HLA-DMB: variants seen among roughly 807,000 people sequenced by gnomAD.
HLA-DMB encodes major histocompatibility complex, class II, DM beta.
HLA-DMB carries 18 observed loss-of-function variants against 29.3 expected under a neutral mutation model. The ratio of observed to expected loss-of-function variants is 0.62; its 90% CI spans 0.43 to 0.91. The LOEUF (loss-of-function observed/expected upper bound fraction) is 0.91. HLA-DMB is among the 40% of genes least tolerant of loss of function. HLA-DMB has a pLI of 0.00. For missense variants in HLA-DMB, 258 were observed against 320.9 expected (o/e 0.80, Z 1.50); for synonymous variants, 143 against 128.7 (o/e 1.11, Z -0.75).
intron 3 of HLA-DMB, 86 bp from the exon 4 acceptor site, chr6:32,935,738 T>C: frequency 1.1e-6 from 1 of 886,826 alleles, no homozygotes. Context: ...TCTCAGTGGG[T>C]TAAAAGGTCC....
rs1775893984 is a variant in HLA-DMB, at chr6:32,934,700, C to A, written c.*271G>T. On this transcript the variant is annotated 3_prime_UTR_variant, in exon 6 of 6. Transcript: ENST00000418107. ...GCTGTCCTCTATGGCACACTGAGAG[C>A]CCCAGGAGGGTCTTTAACTCCCTTC... The A allele has an allele frequency of 3.7e-6, 2 of 536,002 alleles. No individual in the cohort carries two copies. The highest frequency in any genetic ancestry group is 3.3e-5 in the Admixed American group (1 of 30,486). The allele number at this position is 536,002 out of a possible 1,614,324, so 33.2% of individuals were successfully genotyped here.
At position 32,935,588 on chromosome 6, in the gene HLA-DMB, G is replaced by A; in HGVS notation, c.687C>T (p.Gly229=). The A allele has an allele frequency of 6.2e-7, 1 of 1,613,032 alleles. No individual in the cohort carries two copies. The highest frequency in any genetic ancestry group is 8.5e-7 in the Non-Finnish European group (1 of 1,179,998). ...TCACACCAAGAGAGAAGATGATGAG[G>A]CCCAGGCCCAGAGTCACTGCAGACA... is the stretch of plus-strand genomic sequence containing the variant. The part of the protein sequence containing the change: ...VSVSAVTLGL[G]LIIFSLGVIS... Residue 229 remains glycine, a synonymous_variant, in exon 4 of 6, where the codon GGC becomes GGT. Transcript: ENST00000418107.
In HLA-DMB at chr6:32,938,712, G is replaced by A. The variant is rs143112264; in HGVS notation, c.309C>T (p.Pro103=). The change falls in exon 2 of 6, where the codon CCC becomes CCT. Residue 103 remains proline, a synonymous_variant. Transcript: ENST00000418107. ...TCCTGTTGGTCAGTGATCCCCAGAA[G>A]GGCTGGGTGTGTGTGGCACAATTCT... ...GLQNCATHTQ[P]FWGSLTNRTR... The A allele has an allele frequency of 1.3e-6, 2 of 1,542,956 alleles. No individual in the cohort carries two copies. Among genetic ancestry groups the A allele is most frequent in the African/African-American group, 1.4e-5 (1 of 71,926 alleles).
chr6:32,936,870 A>G (rs1776030202), intron 3 of HLA-DMB: 1 of 291,096 alleles, frequency 3.4e-6, no homozygotes, highest in Admixed American at 5.2e-5. Flanking sequence ...TCAAACATAG[A>G]CGCAGCAACA....
At position 32,938,750 on chromosome 6, in the gene HLA-DMB, G is replaced by A. The variant is rs767327421; in HGVS notation, c.271C>T (p.Arg91Cys). 15 of 1,600,084 alleles carry A rather than the reference G, an allele frequency of 9.4e-6. No individual in the cohort carries two copies. The highest frequency in any genetic ancestry group is 3.4e-5 in the Admixed American group (2 of 58,522). The change falls in exon 2 of 6, where the codon CGC (arginine) becomes TGC (cysteine). Residue 91 changes from arginine (R) to cysteine (C), a missense_variant. Physicochemically the swap from Arg to Cys is radical, Grantham distance 180. Transcript: ENST00000418107. ...NQKDTLMQRL[R>C]NGLQNCATHT... ...GTGGCACAATTCTGAAGCCCATTGC[G>A]CAAGCGCTGCATCAGGGTGTCTTTT...
rs1409085915 is a variant in HLA-DMB, at chr6:32,934,713, T to C, written c.*258A>G. ...GCACACTGAGAGCCCCAGGAGGGTCTTTAACTCCCTTCCTCAGATTATATT... is the reference window on the plus strand; with the variant it reads ...GCACACTGAGAGCCCCAGGAGGGTCCTTAACTCCCTTCCTCAGATTATATT... On this transcript the variant is annotated 3_prime_UTR_variant, in exon 6 of 6. Transcript: ENST00000418107. 2 of 556,762 alleles carry C rather than the reference T, an allele frequency of 3.6e-6. No homozygotes were observed. Among genetic ancestry groups the C allele is most frequent in the African/African-American group, 1.9e-5 (1 of 52,764 alleles). The allele number at this position is 556,762 out of a possible 1,614,324, so 34.5% of individuals were successfully genotyped here. A position where few individuals can be genotyped will look rare whatever the true frequency, so the allele number is the denominator to read the frequency against.
intron 5 of HLA-DMB, 160 bp downstream of exon 5, chr6:32,935,182 C>T: frequency 1.2e-6 from 1 of 824,128 alleles, no homozygotes; most frequent in Non-Finnish European, 2.0e-6. Context: ...CTCCTTCCTG[C>T]TCTTAATCCT....
chr6:32,935,915 C>A, intron 3 of HLA-DMB: 1 of 499,512 alleles, frequency 2.0e-6, no homozygotes, highest in South Asian at 3.0e-5. Flanking sequence ...TACAGTGGGG[C>A]CTCTCAAGGC....
intron 3 of HLA-DMB, chr6:32,936,820 T>A: frequency 4.7e-6 from 1 of 212,874 alleles, no homozygotes. Context: ...TTGCCAAATT[T>A]ACAGCCTCAT....
intron 5 of HLA-DMB, 165 bp from the exon 6 acceptor site, chr6:32,935,152 C>T (rs1775929097): frequency 1.2e-6 from 1 of 865,652 alleles, no homozygotes; most frequent in African/African-American, 1.7e-5. Context: ...AGACATCCCA[C>T]TTGGTAGAAG....
rs775164470 is a variant in HLA-DMB at position 32,935,596 on chromosome 6, C to T, written c.679G>A (p.Gly227Ser). ...AGAGAGAAGATGATGAGGCCCAGGC[C>T]CAGAGTCACTGCAGACACAGAAACC... ...LKVSVSAVTL[G>S]LGLIIFSLGV... The change falls in exon 4 of 6, where the codon GGC (glycine) becomes AGC (serine). Residue 227 changes from glycine (G) to serine (S), a missense_variant. Physicochemically the swap from Gly to Ser is moderately conservative, Grantham distance 56 (BLOSUM62 0). Coordinates refer to ENST00000418107, the MANE Select transcript of HLA-DMB (RefSeq NM_002118.5). 1 of 1,612,902 alleles carries T rather than the reference C, an allele frequency of 6.2e-7. No homozygotes were observed. Among genetic ancestry groups the T allele is most frequent in the Admixed American group, 1.7e-5 (1 of 60,002 alleles).
Position 32,934,980 on chromosome 6 carries a change from G to A in HLA-DMB, c.783C>T (p.His261=). The A allele has an allele frequency of 6.2e-7, 1 of 1,612,842 alleles. No individual in the cohort carries two copies. The change falls in exon 6 of 6, where the codon CAC becomes CAT. Residue 261 remains histidine (H), a synonymous_variant. Coordinates refer to ENST00000418107, the MANE Select transcript of HLA-DMB (RefSeq NM_002118.5). ...LPGSNYSEGW[H]IS The stretch of plus-strand genomic sequence containing the variant: ...TTGTAGGATTCTGCCTCTAGGAAAT[G>A]TGCCATCCTACAGAATAAATAAAAG...
Position 32,940,796 on chromosome 6 carries a change from G to A in HLA-DMB, c.12C>T (p.Phe4=), listed in dbSNP as rs1776313200. ...GGCTGAGCCCCAGCAGCAGCGGCAG[G>A]AATGTGATCATGCTCTGCTCTGTAA... MIT[F]LPLLLGLSLG... is the part of the protein sequence containing the mutation. The change falls in exon 1 of 6, where the codon TTC becomes TTT. Residue 4 remains phenylalanine, a synonymous_variant. Transcript: ENST00000418107. 1 of 1,601,302 alleles carries A rather than the reference G, an allele frequency of 6.2e-7. No homozygotes were observed. Among genetic ancestry groups the A allele is most frequent in the African/African-American group, 1.3e-5 (1 of 74,634 alleles).
In HLA-DMB at chr6:32,935,526, A is replaced by T; in HGVS notation, c.739+10T>A. The T allele has an allele frequency of 6.2e-7, 1 of 1,601,632 alleles. No individual in the cohort carries two copies. Among genetic ancestry groups the T allele is most frequent in the Non-Finnish European group, 8.6e-7 (1 of 1,169,586 alleles). On this transcript the variant is annotated intron_variant, in intron 4 of 5. Coordinates refer to ENST00000418107, the MANE Select transcript of HLA-DMB (RefSeq NM_002118.5). Reference sequence around the variant, plus strand: ...CAAGAGTGGGGATGGGAGTTCAGCGAGTCACTCACTAGAGTGGCCAGCTCT... The same window carrying T: ...CAAGAGTGGGGATGGGAGTTCAGCGTGTCACTCACTAGAGTGGCCAGCTCT...
Position 32,934,865 on chromosome 6 carries a change from A to G in HLA-DMB, c.*106T>C. The G allele has an allele frequency of 8.9e-7, 1 of 1,129,650 alleles. No homozygotes were observed. 70.0% of individuals were successfully genotyped at this position (1,129,650 alleles called of 1,614,324 possible). On this transcript the variant is annotated 3_prime_UTR_variant, in exon 6 of 6. Transcript: ENST00000418107. ...TCAAAGAATTGGATGGAGAAACCAT[A>G]GGATCCAAGATAATGTCAGGGGGTT...
At chr6:32,935,200 G>A (rs1234544185) in intron 5 of HLA-DMB, 142 bp downstream of exon 5, 1 of 841,790 alleles carries the variant, frequency 1.2e-6, no homozygotes, top group Admixed American at 2.0e-5. Flanking sequence ...CCTAGCAATG[G>A]CAGCTTAAAT....
intron 3 of HLA-DMB, chr6:32,935,884 T>A (rs538407900): frequency 3.1e-5 from 18 of 575,484 alleles, no homozygotes; most frequent in African/African-American, 2.6e-4. Flanking sequence ...ATTAGCATCC[T>A]GGCTTCCAGG....
chr6:32,937,271 G>T lies in HLA-DMB; in HGVS notation c.523C>A (p.Gln175Lys). Residue 175 changes from glutamine to lysine, a missense_variant, in exon 3 of 6, where the codon CAG becomes AAG. Gln to Lys is a moderately conservative substitution (Grantham distance 53). Transcript: ENST00000418107. This position sits in a 1 kb window ranked among gnomAD's most constrained non-coding sequence, Gnocchi z 4.1. ...TAQPNGDWTY[Q>K]TLSHLALTPS... ...GTTAAGGCTAAATGGGAGAGGGTCTGGTATGTCCAGTCTCCATTGGGCTGG... is the reference window on the plus strand; with the variant it reads ...GTTAAGGCTAAATGGGAGAGGGTCTTGTATGTCCAGTCTCCATTGGGCTGG... 1.9e-6 allele frequency: 3 copies of T among 1,614,114 alleles called. No individual in the cohort carries two copies. The highest frequency in any genetic ancestry group is 2.5e-6 in the Non-Finnish European group (3 of 1,179,988).
chr6:32,935,812 T>C, intron 3 of HLA-DMB, 160 bp from the exon 4 acceptor site: 1 of 618,986 alleles, frequency 1.6e-6, no homozygotes, highest in East Asian at 2.7e-5. Flanking sequence ...CTTTCTCAAA[T>C]CAAACCCTCG....
Sources: gnomAD v4.1 joint callset for allele counts on GRCh38, gnomAD v4.1.1 for gene constraint, Gnocchi (gnomAD v3.1) non-coding constraint, MANE v1.5 for transcripts, NCBI Gene and HGNC (gene_info 2026-07-23, HGNC 2026-07-21) for gene names.